MYO16: variants seen among roughly 807,000 people sequenced by gnomAD.
MYO16 encodes myosin XVI.
Under a neutral mutation model 205.3 loss-of-function variants are expected in MYO16, and 94 were observed. That is an observed-to-expected ratio of 0.46 (90% CI 0.39 to 0.54). MYO16 has a LOEUF of 0.54. MYO16 is among the 20% of genes least tolerant of loss of function. The probability of loss-of-function intolerance (pLI) is 0.00; values close to 1 mark genes in which losing one functional copy is unlikely to be tolerated. For synonymous variants in MYO16, 988 were observed against 954.0 expected (o/e 1.04, Z -0.66); for missense variants, 2,315 against 2,387.5 (o/e 0.97, Z 0.63).
the MYO16 span, among the ~76,000 whole-genome samples, chr13:108,496,444 C>T: frequency 6.6e-6 from 1 of 152,138 alleles, no homozygotes; most frequent in African/African-American, 2.4e-5. Flanking sequence ...CCAGCTGTTG[C>T]CTCTTGCGCG....
chr13:108,826,847 A>G (rs1352458460), intron 9 of MYO16, among the ~76,000 whole-genome samples: 1 of 152,138 alleles, frequency 6.6e-6, no homozygotes, highest in Non-Finnish European at 1.5e-5. Context: ...TACTTCCTAG[A>G]ATGGCCATTA....
chr13:108,774,024 G>A (rs953339270), intron 4 of MYO16, among the ~76,000 whole-genome samples: 1 of 152,156 alleles, frequency 6.6e-6, no homozygotes, highest in Non-Finnish European at 1.5e-5. Flanking sequence ...CTGGGAGGAG[G>A]AGGTTGCAGT....
chr13:108,708,552 T>C (rs2139538354), intron 2 of MYO16, among the ~76,000 whole-genome samples: 1 of 152,344 alleles, frequency 6.6e-6, no homozygotes, highest in Non-Finnish European at 1.5e-5. Flanking sequence ...TTATCACCTG[T>C]GATTGTCCTT....
chr13:109,040,385 C>CACAGAGAGAGAGAGAGAG (rs1394314811), intron 23 of MYO16, among the ~76,000 whole-genome samples: 1,253 of 113,144 alleles, frequency 0.011, 24 homozygotes, highest in Non-Finnish European at 0.014. Context: ...CACACACACA[C>CACAGAGAGAGAGAGAGAG]AGAGAGAGAG....
At chr13:108,571,947 G>T in the MYO16 span, among the ~76,000 whole-genome samples, 1 of 150,642 alleles carries the variant, frequency 6.6e-6, no homozygotes, top group African/African-American at 2.4e-5. Flanking sequence ...TTTAAACAGG[G>T]TCTTACTCTA....
At chr13:109,023,241 A>AATATATATATTTATATATTATACAG (rs1886163520) in intron 23 of MYO16, among the ~76,000 whole-genome samples, 2 of 101,404 alleles carry the variant, frequency 2.0e-5, no homozygotes, top group African/African-American at 4.1e-5. Context: ...TACAGATATA[A>AATATATATATTTATATATTATACAG]ATATATATAT....
intron 34 of MYO16, among the ~76,000 whole-genome samples, chr13:109,182,752 G>A (rs757191513): frequency 5.3e-5 from 8 of 152,012 alleles, no homozygotes; most frequent in Non-Finnish European, 1.0e-4. Flanking sequence ...CTTAATATAC[G>A]GTGGTTGTTT....
chr13:108,875,014 A>C (rs1459323578), intron 12 of MYO16, among the ~76,000 whole-genome samples: 1 of 152,128 alleles, frequency 6.6e-6, no homozygotes, highest in Admixed American at 6.6e-5. Flanking sequence ...AGGATTCTGC[A>C]ATCTGCTAGT....
At chr13:108,972,357 T>C (rs1293798500) in intron 20 of MYO16, among the ~76,000 whole-genome samples, 18 of 23,770 alleles carry the variant, frequency 7.6e-4, no homozygotes, top group African/African-American at 5.4e-3. Flanking sequence ...TAGCCATATA[T>C]ATATATATAT....
intron 14 of MYO16, among the ~76,000 whole-genome samples, chr13:108,896,499 T>C (rs1255710052): frequency 6.6e-6 from 1 of 152,222 alleles, no homozygotes; most frequent in African/African-American, 2.4e-5. Context: ...TATATGTTTG[T>C]CTCCAAAATT....
the MYO16 span, among the ~76,000 whole-genome samples, chr13:108,520,950 T>C: frequency 2.6e-5 from 4 of 152,320 alleles, no homozygotes; most frequent in African/African-American, 9.6e-5. Context: ...ATCTTCCACG[T>C]GTTCTTTCCT....
intron 2 of MYO16, among the ~76,000 whole-genome samples, chr13:108,692,600 T>C (rs1183737352): frequency 1.3e-5 from 2 of 152,172 alleles, no homozygotes; most frequent in East Asian, 3.9e-4. Context: ...GAATTGATAA[T>C]GTCCTAAGGG....
At chr13:108,507,892 A>G in the MYO16 span, among the ~76,000 whole-genome samples, 1 of 151,920 alleles carries the variant, frequency 6.6e-6, no homozygotes, top group Non-Finnish European at 1.5e-5. Flanking sequence ...CCTCAAATTC[A>G]GCATTTTTTT....
intron 27 of MYO16, among the ~76,000 whole-genome samples, chr13:109,072,141 G>C (rs200403414): frequency 1.3e-5 from 2 of 152,110 alleles, no homozygotes; most frequent in East Asian, 1.9e-4. Context: ...TGTGTTTCTT[G>C]TTTCAGACGC....
At chr13:108,900,843 G>A (rs1245188407) in intron 15 of MYO16, among the ~76,000 whole-genome samples, 1 of 152,162 alleles carries the variant, frequency 6.6e-6, no homozygotes, top group African/African-American at 2.4e-5. Context: ...AGTGAGCCAG[G>A]TGGAGCCATA....
At chr13:108,577,210 G>A in the MYO16 span, among the ~76,000 whole-genome samples, 2 of 152,172 alleles carry the variant, frequency 1.3e-5, no homozygotes, top group Non-Finnish European at 2.9e-5. Context: ...AAATGAATGA[G>A]AAATGCCACA....
At chr13:108,877,416 T>C (rs759065864) in intron 12 of MYO16, among the ~76,000 whole-genome samples, 4 of 152,216 alleles carry the variant, frequency 2.6e-5, no homozygotes, top group Non-Finnish European at 4.4e-5. Context: ...TTGGCACCAA[T>C]TCTCTTGCCT....
rs531841414 is a variant in MYO16 at position 109,172,345 on chromosome 13, G to A, written c.5324-7197G>A. On this transcript the variant is annotated intron_variant, in intron 33 of 34. Transcript: ENST00000457511. Reference sequence around the variant, plus strand: ...AACAGAAGTTACCTTTGCAAAGAAAGAAAACTCCTGGGGCATCGAGTAAGC... The same window carrying A: ...AACAGAAGTTACCTTTGCAAAGAAAAAAAACTCCTGGGGCATCGAGTAAGC... Among the ~76,000 whole-genome samples the A allele has an allele frequency of 2.0e-5, 3 of 152,292 alleles. No homozygotes were observed. The South Asian group carries it at 6.2e-4, about 32-fold the overall frequency.
chr13:108,960,817 AT>A (rs927631119), intron 17 of MYO16, among the ~76,000 whole-genome samples: 46 of 152,210 alleles, frequency 3.0e-4, no homozygotes, highest in Non-Finnish European at 6.0e-4. Flanking sequence ...AAAAATGACT[AT>A]CCAAAATCAA....
Sources: allele counts gnomAD v4.1 joint callset (sites outside exome capture counted in the v4.1 genomes callset), GRCh38; gene constraint gnomAD v4.1.1; transcripts MANE v1.5; gene names NCBI Gene and HGNC (gene_info 2026-07-23, HGNC 2026-07-21).